Variants in LRRC28 observed in about 807,000 individuals in gnomAD.
The protein encoded by LRRC28 is leucine rich repeat containing 28, also known as leucine-rich repeat-containing protein 28.
A neutral mutation model predicts 45.7 loss-of-function variants in LRRC28; 39 were observed. The observed-to-expected ratio is 0.85, with a 90% CI of 0.66 to 1.12. The LOEUF is 1.12. Ranked by LOEUF, LRRC28 falls within the 50% of genes most tolerant of loss-of-function variation. The pLI is 0.00. For synonymous variants in LRRC28, 206 were observed against 178.8 expected (o/e 1.15, Z -1.22); for missense variants, 435 against 438.5 (o/e 0.99, Z 0.07).
At chr15:99,285,385 C>A in intron 3 of LRRC28, 1 of 743,608 alleles carries the variant, frequency 1.3e-6, no homozygotes. Flanking sequence ...CCACCTCCTC[C>A]GCAGTGGTAT....
chr15:99,267,257 C>A (rs889378928), intron 2 of LRRC28, among the ~76,000 whole-genome samples: 1 of 152,104 alleles, frequency 6.6e-6, no homozygotes. Context: ...AGTCACACAA[C>A]TATATCCGCC....
At chr15:99,357,496 TGCTGTTCAAAAAG>T (rs945809803) in intron 7 of LRRC28, among the ~76,000 whole-genome samples, 1 of 152,204 alleles carries the variant, frequency 6.6e-6, no homozygotes, top group African/African-American at 2.4e-5. Flanking sequence ...GCAACCTTCA[TGCTGTTCAAAAAG>T]GCCAAACCAG....
intron 5 of LRRC28, among the ~76,000 whole-genome samples, chr15:99,301,902 T>A (rs945998702): frequency 1.3e-5 from 2 of 152,216 alleles, no homozygotes; most frequent in Admixed American, 1.3e-4. Context: ...TTATCTATAC[T>A]GATTTACAAT....
intron 3 of LRRC28, among the ~76,000 whole-genome samples, chr15:99,280,732 G>T (rs2081762962): frequency 1.3e-5 from 2 of 151,830 alleles, no homozygotes; most frequent in South Asian, 4.2e-4. Flanking sequence ...GGTTTCTTGG[G>T]GTTGTGTCTT....
Position 99,386,120 on chromosome 15 carries a change from C to G in LRRC28, c.*18C>G. 1 of 1,607,654 alleles carries G rather than the reference C, an allele frequency of 6.2e-7. No homozygotes were observed. The highest frequency in any genetic ancestry group is 8.5e-7 in the Non-Finnish European group (1 of 1,174,086). ...TGAGTTGATAAACACTCAAGAACCTCAGGAGCGCTGCCAGCTTGACACTGG... is the reference window on the plus strand; with the variant it reads ...TGAGTTGATAAACACTCAAGAACCTGAGGAGCGCTGCCAGCTTGACACTGG... On this transcript the variant is annotated 3_prime_UTR_variant, in exon 10 of 10. Coordinates refer to ENST00000301981, the MANE Select transcript of LRRC28 (RefSeq NM_144598.5).
chr15:99,273,176 G>A (rs1414999737), intron 2 of LRRC28, among the ~76,000 whole-genome samples: 2 of 152,192 alleles, frequency 1.3e-5, no homozygotes, highest in Non-Finnish European at 2.9e-5. Flanking sequence ...GCCTGTGCAA[G>A]GGCTGATTAC....
intron 2 of LRRC28, chr15:99,258,025 A>G: frequency 8.9e-7 from 1 of 1,122,458 alleles, no homozygotes; most frequent in Non-Finnish European, 1.4e-6. Context: ...TAACAGTCAA[A>G]ATTAAGTGTG....
At chr15:99,261,733 C>T (rs1348881985) in intron 2 of LRRC28, among the ~76,000 whole-genome samples, 1 of 152,038 alleles carries the variant, frequency 6.6e-6, no homozygotes, top group Non-Finnish European at 1.5e-5. Context: ...TCTCCGCTTA[C>T]AGCAACCTCT....
At chr15:99,277,500 A>G (rs2081650059) in intron 3 of LRRC28, among the ~76,000 whole-genome samples, 1 of 152,288 alleles carries the variant, frequency 6.6e-6, no homozygotes, top group East Asian at 1.9e-4. Flanking sequence ...AATTACAGAC[A>G]TAATGTCATT....
At chr15:99,322,113 TG>T (rs955043749) in intron 5 of LRRC28, among the ~76,000 whole-genome samples, 1 of 152,036 alleles carries the variant, frequency 6.6e-6, no homozygotes, top group African/African-American at 2.4e-5. Context: ...GACACTTCAT[TG>T]GGCCAGACAG....
intron 6 of LRRC28, among the ~76,000 whole-genome samples, chr15:99,335,528 A>G (rs747640636): frequency 3.2e-4 from 49 of 152,166 alleles, no homozygotes; most frequent in Non-Finnish European, 6.3e-4. Flanking sequence ...ATGGTGATGC[A>G]TACCTGTAGT....
chr15:99,379,232 T>C (rs1957740424), intron 9 of LRRC28, among the ~76,000 whole-genome samples: 1 of 152,248 alleles, frequency 6.6e-6, no homozygotes, highest in South Asian at 2.1e-4. Context: ...ATTGGTGTAC[T>C]CTGGGATTCA....
intron 5 of LRRC28, among the ~76,000 whole-genome samples, chr15:99,330,866 CT>C (rs1014607624): frequency 6.6e-6 from 1 of 151,918 alleles, no homozygotes; most frequent in African/African-American, 2.4e-5. Flanking sequence ...ACTGTGCTGA[CT>C]TTTTTTAACT....
chr15:99,357,143 G>T (rs1957068506), intron 7 of LRRC28, among the ~76,000 whole-genome samples: 1 of 152,166 alleles, frequency 6.6e-6, no homozygotes. Context: ...AAATGCACAT[G>T]TAGATGACAC....
intron 2 of LRRC28, among the ~76,000 whole-genome samples, chr15:99,256,558 A>C (rs935202487): frequency 1.3e-5 from 2 of 152,226 alleles, no homozygotes; most frequent in South Asian, 4.1e-4. Flanking sequence ...AATGATTTGA[A>C]AATTAAAGCA....
intron 9 of LRRC28, among the ~76,000 whole-genome samples, chr15:99,384,120 G>A (rs1406849230): frequency 1.3e-5 from 2 of 152,158 alleles, no homozygotes; most frequent in African/African-American, 2.4e-5. Flanking sequence ...ATGATCTCTG[G>A]ATCATGCTAG....
intron 7 of LRRC28, among the ~76,000 whole-genome samples, chr15:99,360,690 T>C (rs932911570): frequency 7.9e-5 from 12 of 152,188 alleles, no homozygotes; most frequent in African/African-American, 2.9e-4. Context: ...GGTTACCCAA[T>C]GGTTTCACAC....
At chr15:99,382,804 T>C (rs1957869271) in intron 9 of LRRC28, among the ~76,000 whole-genome samples, 1 of 152,070 alleles carries the variant, frequency 6.6e-6, no homozygotes, top group African/African-American at 2.4e-5. Context: ...GTTCTGTATA[T>C]GTCAGATTTT....
intron 3 of LRRC28, among the ~76,000 whole-genome samples, 165 bp from the exon 4 acceptor site, chr15:99,287,092 T>C (rs1167212783): frequency 1.3e-5 from 2 of 152,220 alleles, no homozygotes; most frequent in Non-Finnish European, 2.9e-5. Flanking sequence ...CAAAGTATTA[T>C]TAGTTAGCTG....
Sources: allele counts gnomAD v4.1 joint callset (sites outside exome capture counted in the v4.1 genomes callset), GRCh38; gene constraint gnomAD v4.1.1; transcripts MANE v1.5; gene names NCBI Gene and HGNC (gene_info 2026-07-23, HGNC 2026-07-21).